FGF1: variants seen among roughly 807,000 people sequenced by gnomAD.
FGF1 encodes the protein fibroblast growth factor 1.
Under a neutral mutation model 13.4 loss-of-function variants are expected in FGF1, and 9 were observed. The observed-to-expected ratio is 0.67, with a 90% confidence interval of 0.40 to 1.17. The LOEUF is 1.17. Ranked by LOEUF, FGF1 falls within the 50% of genes most tolerant of loss-of-function variation. The pLI is 0.01. For missense variants in FGF1, 156 were observed against 192.7 expected (o/e 0.81, Z 1.13); for synonymous variants, 93 against 79.0 (o/e 1.18, Z -0.94).
intron 1 of FGF1, among the ~76,000 whole-genome samples, chr5:142,637,406 G>A (rs1331634562): frequency 6.7e-6 from 1 of 149,126 alleles, no homozygotes; most frequent in African/African-American, 2.5e-5. Context: ...TGCAAGCTCC[G>A]CCTCCTGGAT....
At chr5:142,601,231 C>T (rs1756492964) in intron 2 of FGF1, 5 of 441,610 alleles carry the variant, frequency 1.1e-5, no homozygotes, top group East Asian at 7.1e-5. Flanking sequence ...ATGTGTTCTG[C>T]TTTCATTATC....
intron 1 of FGF1, among the ~76,000 whole-genome samples, chr5:142,626,432 C>T (rs1423443957): frequency 1.1e-4 from 17 of 152,156 alleles, no homozygotes; most frequent in South Asian, 4.2e-4. Context: ...CAACCTAAAA[C>T]GTGTTGGAGC....
At chr5:142,689,361 A>C (rs756730848), upstream of FGF1, among the ~76,000 whole-genome samples, 11 of 152,312 alleles carry the variant, frequency 7.2e-5, no homozygotes, top group East Asian at 3.9e-4. Context: ...TCCTGGTCTC[A>C]TGGTGAAGCA....
At chr5:142,608,671 G>C (rs1455033155) in intron 2 of FGF1, among the ~76,000 whole-genome samples, 1 of 143,208 alleles carries the variant, frequency 7.0e-6, no homozygotes, top group African/African-American at 2.6e-5. Context: ...TGAAAAAGTT[G>C]TCTGGAAAAT....
chr5:142,691,440 TAAAATAAAATAAA>T (rs1340679191), intron 2 of FGF1, among the ~76,000 whole-genome samples: 1 of 103,742 alleles, frequency 9.6e-6, no homozygotes, highest in East Asian at 2.1e-4. Context: ...TAAAATAAAA[TAAAATAAAATAAA>T]ATAAAATAAA....
upstream of FGF1, among the ~76,000 whole-genome samples, chr5:142,690,824 A>G (rs1752088559): frequency 6.6e-6 from 1 of 152,160 alleles, no homozygotes; most frequent in Admixed American, 6.5e-5. Flanking sequence ...TGCCTCTGCA[A>G]GTTCTCCCCC....
chr5:142,640,893 G>T (rs964942523), intron 1 of FGF1, among the ~76,000 whole-genome samples: 5 of 151,960 alleles, frequency 3.3e-5, no homozygotes, highest in African/African-American at 1.2e-4. Flanking sequence ...GGCAGGGATT[G>T]GATCTTGTGC....
At chr5:142,683,399 G>A (rs1341666473) in intron 1 of FGF1, among the ~76,000 whole-genome samples, 3 of 152,206 alleles carry the variant, frequency 2.0e-5, no homozygotes, top group Non-Finnish European at 2.9e-5. Flanking sequence ...GATATTTATG[G>A]TTAAGGGAAT....
chr5:142,687,907 C>G (rs565499215), upstream of FGF1, among the ~76,000 whole-genome samples: 203 of 152,336 alleles, frequency 1.3e-3, 1 homozygote, highest in Middle Eastern at 0.014. Flanking sequence ...AGATTCCCCC[C>G]CTCCTAGTGG....
intron 1 of FGF1, among the ~76,000 whole-genome samples, chr5:142,677,738 C>T (rs896338002): frequency 1.1e-4 from 16 of 152,146 alleles, no homozygotes; most frequent in Non-Finnish European, 1.5e-4. Context: ...GATATTTGAG[C>T]ACCTACCCTG....
chr5:142,677,873 T>C (rs920050482), intron 1 of FGF1, among the ~76,000 whole-genome samples: 5 of 152,008 alleles, frequency 3.3e-5, no homozygotes, highest in African/African-American at 9.7e-5. Flanking sequence ...TTTTTAAAAA[T>C]TGACAAGAAA....
chr5:142,596,202 G>C (rs1019815685), intron 3 of FGF1, among the ~76,000 whole-genome samples: 8 of 152,266 alleles, frequency 5.3e-5, no homozygotes, highest in Admixed American at 4.6e-4. Context: ...AGGCACAGTG[G>C]CTCATGCCTG....
chr5:142,697,234 C>A (rs1202734938), intron 2 of FGF1, among the ~76,000 whole-genome samples: 1 of 152,160 alleles, frequency 6.6e-6, no homozygotes, highest in Admixed American at 6.5e-5. Flanking sequence ...AATCAGCTGG[C>A]ATCCTTTTAT....
intron 1 of FGF1, among the ~76,000 whole-genome samples, chr5:142,670,532 T>C (rs963053805): frequency 5.3e-5 from 8 of 152,208 alleles, no homozygotes; most frequent in African/African-American, 1.9e-4. Flanking sequence ...AATTGAGTTG[T>C]TGGCCCCCAT....
chr5:142,636,637 G>A (rs1433963235), intron 1 of FGF1, among the ~76,000 whole-genome samples: 1 of 152,226 alleles, frequency 6.6e-6, no homozygotes, highest in Admixed American at 6.5e-5. Flanking sequence ...CAAAGTCCAG[G>A]TTGCCCTGAG....
chr5:142,651,345 A>G (rs551659458), intron 1 of FGF1, among the ~76,000 whole-genome samples: 63 of 152,148 alleles, frequency 4.1e-4, no homozygotes, highest in Non-Finnish European at 8.4e-4. Flanking sequence ...TTTGAAATTC[A>G]TAGTCTTTAT....
chr5:142,661,819 C>A (rs552646126), intron 1 of FGF1, among the ~76,000 whole-genome samples: 1 of 151,998 alleles, frequency 6.6e-6, no homozygotes, highest in Non-Finnish European at 1.5e-5. Context: ...CTGGCTAACA[C>A]GATGAAACCC....
chr5:142,629,608 T>A (rs1260712049), intron 1 of FGF1, among the ~76,000 whole-genome samples: 1 of 152,094 alleles, frequency 6.6e-6, no homozygotes, highest in East Asian at 1.9e-4. Flanking sequence ...TCATGACAAT[T>A]ATGATAATTT....
chr5:142,613,002 A>G (rs1759409265), intron 2 of FGF1, among the ~76,000 whole-genome samples: 1 of 152,154 alleles, frequency 6.6e-6, no homozygotes, highest in East Asian at 1.9e-4. Context: ...GTCCTACAGA[A>G]ACTTCCTTCC....
Sources: allele counts gnomAD v4.1 joint callset (sites outside exome capture counted in the v4.1 genomes callset), GRCh38; gene constraint gnomAD v4.1.1; transcripts MANE v1.5; gene names NCBI Gene and HGNC (gene_info 2026-07-23, HGNC 2026-07-21).